Variants in OLR1 observed in about 807,000 individuals in gnomAD.
OLR1 encodes oxidized low density lipoprotein receptor 1.
In OLR1, 23 loss-of-function variants were observed where a neutral mutation model predicts 31.7. That is an observed-to-expected ratio of 0.72 (90% CI 0.52 to 1.03). The LOEUF is 1.03. OLR1 is among the 50% of genes least tolerant of loss of function. OLR1 has a pLI of 0.00. For missense variants in OLR1, 286 were observed against 315.7 expected, an observed-to-expected ratio of 0.91 and a Z score of 0.71; for synonymous variants, 117 against 115.8, an observed-to-expected ratio of 1.01 and a Z score of -0.07.
Position 10,158,486 on chromosome 12 carries a change from A to T in OLR1, c.*1394T>A, listed in dbSNP as rs1948592256. The T allele has an allele frequency of 6.6e-6, 1 of 152,320 alleles. No individual in the cohort carries two copies. The highest frequency in any genetic ancestry group is 2.4e-5 in the African/African-American group (1 of 41,566). The allele number at this position is 152,320 out of a possible 1,614,324, so 9.4% of individuals were successfully genotyped here. On this transcript the variant is annotated 3_prime_UTR_variant, in exon 6 of 6. Transcript: ENST00000309539. ...CATATGAATCTCAAAATAATTATGC[A>T]AAGTGAAAGAAGCCAGACAAAAAAA...
Position 10,166,763 on chromosome 12 carries a change from G to A in OLR1, c.373C>T (p.His125Tyr). 1 of 1,613,882 alleles carries A rather than the reference G, an allele frequency of 6.2e-7. No homozygotes were observed. The highest frequency in any genetic ancestry group is 8.5e-7 in the Non-Finnish European group (1 of 1,179,974). ...GTTTCTTGGAGATTCAGATTCTGGT[G>A]GTGAAGTTCCATTTGCTCTTTGGAT... ...EKSKEQMELH[H>Y]QNLNLQETLK... The change falls in exon 3 of 6, where the codon CAC (histidine) becomes TAC (tyrosine). Residue 125 changes from histidine to tyrosine, a missense_variant. Coordinates refer to ENST00000309539, the MANE Select transcript of OLR1 (RefSeq NM_002543.4).
At chr12:10,171,482 G>T (rs35553961) in intron 1 of OLR1, among the ~76,000 whole-genome samples, 4,024 of 152,242 alleles carry the variant, frequency 0.026, 77 homozygotes, top group Non-Finnish European at 0.04. Context: ...CATTTACTTT[G>T]CCTGCATAAT....
chr12:10,165,016 A>G (rs1948649087), intron 3 of OLR1, among the ~76,000 whole-genome samples: 1 of 152,092 alleles, frequency 6.6e-6, no homozygotes. Flanking sequence ...TAATCCCAGC[A>G]CTTTGGGAGG....
chr12:10,174,364 C>G (rs1318884075), upstream of OLR1, among the ~76,000 whole-genome samples: 1 of 152,166 alleles, frequency 6.6e-6, no homozygotes, highest in African/African-American at 2.4e-5. Context: ...TGCTGGCCTT[C>G]TGTGTCTTCT....
upstream of OLR1, among the ~76,000 whole-genome samples, chr12:10,175,042 T>C (rs1948755878): frequency 6.6e-6 from 1 of 152,176 alleles, no homozygotes; most frequent in Non-Finnish European, 1.5e-5. Flanking sequence ...TCTACAGTCC[T>C]TGTGTGGCAG....
In OLR1 at chr12:10,159,015, A is replaced by T. The variant is rs1183458665; in HGVS notation, c.*865T>A. 1 of 152,108 alleles carries T rather than the reference A, an allele frequency of 6.6e-6. No homozygotes were observed. Among genetic ancestry groups the T allele is most frequent in the Non-Finnish European group, 1.5e-5 (1 of 68,018 alleles). The allele number at this position is 152,108 out of a possible 1,614,324, so 9.4% of individuals were successfully genotyped here. A position where few individuals can be genotyped will look rare whatever the true frequency, so the allele number is the denominator to read the frequency against. ...ATTTTTTTTGTCTTGTATGTTTCGG[A>T]ATTATAGCATAGCAAAACAGAGTTG... On this transcript the variant is annotated 3_prime_UTR_variant, in exon 6 of 6. Coordinates refer to ENST00000309539, the MANE Select transcript of OLR1 (RefSeq NM_002543.4).
chr12:10,160,208 G>A, intron 5 of OLR1, 139 bp downstream of exon 5: 1 of 919,642 alleles, frequency 1.1e-6, no homozygotes, highest in Non-Finnish European at 1.6e-6. Flanking sequence ...AGGTAAGGAA[G>A]GAGACTTTGA....
At chr12:10,168,533 G>A (rs1330653133) in intron 2 of OLR1, among the ~76,000 whole-genome samples, 4 of 152,094 alleles carry the variant, frequency 2.6e-5, no homozygotes, top group Non-Finnish European at 5.9e-5. Flanking sequence ...TCGCTCTGTT[G>A]CCCAGGCTGG....
chr12:10,163,558 C>T (rs769251251), intron 3 of OLR1, among the ~76,000 whole-genome samples: 1 of 145,622 alleles, frequency 6.9e-6, no homozygotes, highest in Non-Finnish European at 1.5e-5. Flanking sequence ...AAAGATAAAA[C>T]TTGCCTCAAA....
In OLR1 at chr12:10,160,041, A is replaced by G; in HGVS notation, c.681-20T>C. 6.3e-7 allele frequency: 1 copy of G among 1,582,098 alleles called. No homozygotes were observed. ...CTAAATCTGCAGGTAGGAAAAAACA[A>G]AACAAACCAACAAAAAAACTTAGGT... On this transcript the variant is annotated intron_variant, in intron 5 of 5. Coordinates refer to ENST00000309539, the MANE Select transcript of OLR1 (RefSeq NM_002543.4).
At position 10,166,940 on chromosome 12, in the gene OLR1, G is replaced by A; in HGVS notation, c.196C>T (p.Leu66Phe). 1.2e-6 allele frequency: 2 copies of A among 1,613,142 alleles called. No homozygotes were observed. Among genetic ancestry groups the A allele is most frequent in the Non-Finnish European group, 1.7e-6 (2 of 1,179,878 alleles). The change falls in exon 3 of 6, where the codon CTC (leucine) becomes TTC (phenylalanine). Residue 66 changes from leucine to phenylalanine, a missense_variant. Physicochemically the swap from Leu to Phe is conservative, Grantham distance 22. Transcript: ENST00000309539. ...LGMQLSQVSD[L>F]LTQEQANLTH... ...AGGTTTGCTTGCTCTTGTGTTAGGA[G>A]GTCAGACACCTGGGATACTGAATCA...
chr12:10,172,376 T>C (rs140754411), upstream of OLR1: 144 of 248,564 alleles, frequency 5.8e-4, no homozygotes, highest in African/African-American at 2.9e-3. Context: ...GGAGAGATAT[T>C]GTACCCACTC....
chr12:10,163,152 C>G (rs1477532988), intron 3 of OLR1, among the ~76,000 whole-genome samples: 1 of 152,180 alleles, frequency 6.6e-6, no homozygotes, highest in Non-Finnish European at 1.5e-5. Flanking sequence ...CTCACAGTAT[C>G]TCTGTGAGAT....
Position 10,159,484 on chromosome 12 carries a change from T to C in OLR1, c.*396A>G, listed in dbSNP as rs1461801437. ...TTTTCCCAGACATATTTCCCCTTTT[T>C]GCTCTCTGCCTGCACTTGAGCAAGT... On this transcript the variant is annotated 3_prime_UTR_variant, in exon 6 of 6. Coordinates refer to ENST00000309539, the MANE Select transcript of OLR1 (RefSeq NM_002543.4). The C allele has an allele frequency of 6.4e-6, 1 of 157,162 alleles. No individual in the cohort carries two copies. Among genetic ancestry groups the C allele is most frequent in the Non-Finnish European group, 1.4e-5 (1 of 70,896 alleles). The allele number at this position is 157,162 out of a possible 1,614,324, so 9.7% of individuals were successfully genotyped here.
chr12:10,161,924 GAT>G (rs34054558), intron 3 of OLR1, among the ~76,000 whole-genome samples: 54 of 67,956 alleles, frequency 7.9e-4, no homozygotes, highest in African/African-American at 2.2e-3. Flanking sequence ...AAATTTTAAT[GAT>G]ATATATATAT....
chr12:10,166,733 T>C lies in OLR1; in HGVS notation c.403A>G (p.Lys135Glu), dbSNP rs555545113. 84 of 1,613,920 alleles carry C rather than the reference T, an allele frequency of 5.2e-5. No homozygotes were observed. Among genetic ancestry groups the C allele is most frequent in the Admixed American group, 1.0e-4 (6 of 59,964 alleles). Reference protein sequence around the residue: ...HQNLNLQETLKRVANCSAPCP... With the variant: ...HQNLNLQETLERVANCSAPCP... ...ATACCTGAACAATTTGCTACTCTCT[T>C]CAGTGTTTCTTGGAGATTCAGATTC... The change falls in exon 3 of 6, where the codon AAG becomes GAG. Residue 135 changes from lysine to glutamate, a missense_variant. Coordinates refer to ENST00000309539, the MANE Select transcript of OLR1 (RefSeq NM_002543.4).
At chr12:10,174,491 G>A (rs983301944), upstream of OLR1, among the ~76,000 whole-genome samples, 21 of 152,068 alleles carry the variant, frequency 1.4e-4, no homozygotes, top group African/African-American at 4.1e-4. Flanking sequence ...AAAGTTGAAG[G>A]CCTAAAGAAC....
Position 10,160,276 on chromosome 12 carries a change from G to T in OLR1, c.680+71C>A. ...AGGACATTGGTGGGATGCAGGCAGT[G>T]ACCTCACTAGCAGGTTCAGCAAAGA... On this transcript the variant is annotated intron_variant, in intron 5 of 5. Coordinates refer to ENST00000309539, the MANE Select transcript of OLR1 (RefSeq NM_002543.4). 5 of 1,230,622 alleles carry T rather than the reference G, an allele frequency of 4.1e-6. No individual in the cohort carries two copies. In the South Asian group the frequency reaches 5.2e-5, roughly 13 times the overall value. The allele number at this position is 1,230,622 out of a possible 1,614,324, so 76.2% of individuals were successfully genotyped here.
chr12:10,169,335 C>G (rs1374576751), intron 1 of OLR1, among the ~76,000 whole-genome samples, 160 bp from the exon 2 acceptor site: 1 of 152,156 alleles, frequency 6.6e-6, no homozygotes, highest in African/African-American at 2.4e-5. Flanking sequence ...CCAAATGGCT[C>G]TGCAAATAAT....
Sources: gnomAD v4.1 joint callset for allele counts (sites outside exome capture counted in the v4.1 genomes callset) on GRCh38, gnomAD v4.1.1 for gene constraint, MANE v1.5 for transcripts, NCBI Gene and HGNC (gene_info 2026-07-23, HGNC 2026-07-21) for gene names.